The following CWC22 variants were observed in gnomAD, a reference collection of about 807,000 sequenced individuals.
CWC22 encodes CWC22 spliceosome associated protein, also known as pre-mRNA-splicing factor CWC22 homolog.
CWC22 carries 53 observed loss-of-function variants against 117.2 expected under a neutral mutation model. The observed-to-expected ratio is 0.45, with a 90% CI of 0.36 to 0.57. CWC22 has a LOEUF of 0.57. CWC22 is among the 20% of genes least tolerant of loss of function. The pLI is 0.00. For synonymous variants in CWC22, 360 were observed against 355.6 expected, an observed-to-expected ratio of 1.01 and a Z score of -0.14; for missense variants, 980 against 1,068.8, an observed-to-expected ratio of 0.92 and a Z score of 1.16.
rs112757185 is a variant in CWC22 at position 179,966,603 on chromosome 2, T to A, written c.1211-621A>T. On this transcript the variant is annotated intron_variant, in intron 11 of 19. Transcript: ENST00000410053. ...CTGGTAAGACAAGCACTGTATTAGA[T>A]GATCACTTTTAAAAATACAAATGAT... Among the ~76,000 whole-genome samples the A allele has an allele frequency of 2.0e-4, 31 of 152,316 alleles. 1 individual carries two copies. In the South Asian group the frequency reaches 6.2e-3, roughly 31 times the overall value.
chr2:179,966,022 G>A, intron 11 of CWC22, 40 bp from the exon 12 acceptor site: 1 of 1,455,524 alleles, frequency 6.9e-7, no homozygotes, highest in Non-Finnish European at 9.5e-7. Context: ...AAATGTGCAA[G>A]TCATATACAT....
At chr2:179,975,685 G>GA (rs983473163) in intron 6 of CWC22, among the ~76,000 whole-genome samples, 33 of 150,928 alleles carry the variant, frequency 2.2e-4, no homozygotes, top group African/African-American at 5.1e-4. Flanking sequence ...CAATAGCTAT[G>GA]AAAAAAAAAG....
At chr2:179,954,862 G>A (rs1235051851) in intron 15 of CWC22, 95 bp downstream of exon 15, 2 of 765,106 alleles carry the variant, frequency 2.6e-6, no homozygotes, top group Non-Finnish European at 4.4e-6. Flanking sequence ...AGCAAAAGTG[G>A]TAATATGTTT....
rs775088395 is a variant in CWC22, at chr2:179,965,895, CCCTCTTCCTCTTCTTCTT to C, written c.1280_1297del (p.Glu427_Glu432del). 1.3e-6 allele frequency: 2 copies of C among 1,550,192 alleles called. No individual in the cohort carries two copies. The highest frequency in any genetic ancestry group is 3.3e-5 in the Admixed American group (2 of 59,906). On this transcript the variant is annotated inframe_deletion, in exon 12 of 20. Coordinates refer to ENST00000410053, the MANE Select transcript of CWC22 (RefSeq NM_020943.3). ...ATGTTTACCTTCTTCATCTTCTTCT[CCCTCTTCCTCTTCTTCTT>C]CCTCGTCCTCTTCACTACTCCCAGC...
intron 19 of CWC22, among the ~76,000 whole-genome samples, chr2:179,946,490 G>GGA: frequency 7.4e-6 from 1 of 135,258 alleles, no homozygotes; most frequent in African/African-American, 2.7e-5. Context: ...GGAGGGGAGG[G>GGA]AGGAAGGGGA....
intron 5 of CWC22, among the ~76,000 whole-genome samples, chr2:179,981,071 T>G (rs867932488): frequency 6.6e-6 from 1 of 152,226 alleles, no homozygotes; most frequent in Admixed American, 6.5e-5. Flanking sequence ...CAAAAATGTA[T>G]AGTCTAATAG....
intron 2 of CWC22, among the ~76,000 whole-genome samples, chr2:179,992,129 G>A (rs960732383): frequency 7.2e-5 from 11 of 152,220 alleles, no homozygotes; most frequent in African/African-American, 2.7e-4. Flanking sequence ...AGGATAGGAA[G>A]GGAGGAGTGC....
intron 19 of CWC22, among the ~76,000 whole-genome samples, chr2:179,947,672 G>T (rs1327964481): frequency 1.3e-5 from 2 of 152,124 alleles, no homozygotes; most frequent in Non-Finnish European, 2.9e-5. Context: ...AACAATGTTT[G>T]TACACTTCAA....
At chr2:179,975,775 T>C (rs1310483846) in intron 6 of CWC22, among the ~76,000 whole-genome samples, 1 of 152,070 alleles carries the variant, frequency 6.6e-6, no homozygotes, top group Non-Finnish European at 1.5e-5. Context: ...TGGAAGAACA[T>C]GCATGACATC....
At chr2:179,992,856 C>A (rs533609628) in intron 2 of CWC22, among the ~76,000 whole-genome samples, 3 of 152,134 alleles carry the variant, frequency 2.0e-5, no homozygotes, top group African/African-American at 7.2e-5. Context: ...ATAAAGAGAC[C>A]ATCCATCTAT....
intron 13 of CWC22, among the ~76,000 whole-genome samples, chr2:179,961,316 A>G (rs1686743585): frequency 6.6e-6 from 1 of 151,960 alleles, no homozygotes; most frequent in East Asian, 1.9e-4. Context: ...GCATAAAATC[A>G]TCACTAAGTA....
chr2:180,002,857 GA>G (rs1575661806), intron 1 of CWC22, among the ~76,000 whole-genome samples: 1 of 152,314 alleles, frequency 6.6e-6, no homozygotes, highest in African/African-American at 2.4e-5. Flanking sequence ...ATGAAAAACT[GA>G]ACATGAATAA....
intron 12 of CWC22, among the ~76,000 whole-genome samples, chr2:179,964,860 T>C (rs1243753937): frequency 2.0e-5 from 3 of 152,190 alleles, no homozygotes; most frequent in Non-Finnish European, 4.4e-5. Context: ...AAGAAAACTA[T>C]TTTTGTTTAT....
At chr2:179,992,779 C>T (rs1172406642) in intron 2 of CWC22, among the ~76,000 whole-genome samples, 1 of 152,174 alleles carries the variant, frequency 6.6e-6, no homozygotes, top group African/African-American at 2.4e-5. Flanking sequence ...GTTCTTACAA[C>T]CATCACTAGA....
At chr2:180,000,281 G>C (rs981912356) in intron 1 of CWC22, among the ~76,000 whole-genome samples, 1 of 152,136 alleles carries the variant, frequency 6.6e-6, no homozygotes, top group African/African-American at 2.4e-5. Context: ...AAAGTCACCA[G>C]GTACAGGTTG....
chr2:179,958,393 C>T (rs1163097961), intron 14 of CWC22, among the ~76,000 whole-genome samples: 1 of 149,942 alleles, frequency 6.7e-6, no homozygotes, highest in African/African-American at 2.5e-5. Context: ...CCAACTAGAG[C>T]AATGTAATAT....
chr2:179,984,750 A>C (rs1687375435), intron 4 of CWC22, among the ~76,000 whole-genome samples: 1 of 152,058 alleles, frequency 6.6e-6, no homozygotes, highest in South Asian at 2.1e-4. Flanking sequence ...GGATAATGAA[A>C]ATGGTTGTTA....
intron 6 of CWC22, among the ~76,000 whole-genome samples, chr2:179,976,283 T>G (rs1687150065): frequency 6.6e-6 from 1 of 152,142 alleles, no homozygotes. Flanking sequence ...ACATTAGACC[T>G]GAAACTGTGA....
Position 179,970,760 on chromosome 2 carries a change from C to G in CWC22, c.1037G>C (p.Gly346Ala). The stretch of plus-strand genomic sequence containing the variant: ...TAGGATAATGGGGTGGTCCTTGAAT[C>G]CATCTTTCCGTACAGCAAACATCAC... ...IEVMFAVRKD[G>A]FKDHPIILEG... The change falls in exon 10 of 20, where the codon GGA becomes GCA. Residue 346 changes from glycine to alanine, a missense_variant. Coordinates refer to ENST00000410053, the MANE Select transcript of CWC22 (RefSeq NM_020943.3). The G allele has an allele frequency of 6.2e-7, 1 of 1,613,664 alleles. No individual in the cohort carries two copies. The highest frequency in any genetic ancestry group is 8.5e-7 in the Non-Finnish European group (1 of 1,179,678).
Sources: gnomAD v4.1 joint callset for allele counts (sites outside exome capture counted in the v4.1 genomes callset) on GRCh38, gnomAD v4.1.1 for gene constraint, MANE v1.5 for transcripts, NCBI Gene and HGNC (gene_info 2026-07-23, HGNC 2026-07-21) for gene names.